TRDN: variants seen among roughly 807,000 people sequenced by gnomAD.
The protein encoded by TRDN is triadin in skeletal muscle.
A neutral mutation model predicts 149.7 loss-of-function variants in TRDN; 161 were observed. The observed-to-expected ratio is 1.08, with a 90% CI of 0.95 to 1.23. The LOEUF (loss-of-function observed/expected upper bound fraction) is 1.23. Among genes scored for constraint, TRDN ranks in the 50% most tolerant of loss-of-function variants. The pLI, the probability that TRDN is intolerant of heterozygous loss-of-function variation, is 0.00. For missense variants in TRDN, 896 were observed against 823.5 expected, an observed-to-expected ratio of 1.09 and a Z score of -1.08; for synonymous variants, 294 against 250.5, an observed-to-expected ratio of 1.17 and a Z score of -1.64.
intron 23 of TRDN, among the ~76,000 whole-genome samples, chr6:123,331,666 A>G (rs1386184653): frequency 6.6e-6 from 1 of 152,060 alleles, no homozygotes; most frequent in Non-Finnish European, 1.5e-5. Context: ...AAATTTTTGC[A>G]GTATTTCTGA....
At chr6:123,528,791 A>T (rs1583194101) in intron 5 of TRDN, 3 of 993,832 alleles carry the variant, frequency 3.0e-6, no homozygotes, top group Non-Finnish European at 3.6e-6. Context: ...TCTTTTGTTC[A>T]TATTCACACA....
At position 123,541,374 on chromosome 6, in the gene TRDN, C is replaced by T. The variant is rs531368463; in HGVS notation, c.424+5966G>A. On this transcript the variant is annotated intron_variant, in intron 4 of 40. Coordinates refer to ENST00000334268, the MANE Select transcript of TRDN (RefSeq NM_006073.4). ...ACAAAGATGAGCTCTTTTAGTAGCA[C>T]GAAGTACTACAGCTGCCTGAGTCAG... Among the ~76,000 whole-genome samples the T allele has an allele frequency of 3.3e-5, 5 of 152,240 alleles. No individual in the cohort carries two copies. In the South Asian group the frequency reaches 8.3e-4, roughly 25 times the overall value.
intron 38 of TRDN, among the ~76,000 whole-genome samples, chr6:123,231,527 A>G (rs1300864127): frequency 6.6e-6 from 1 of 152,064 alleles, no homozygotes; most frequent in Non-Finnish European, 1.5e-5. Flanking sequence ...TACAATAGGT[A>G]TAGAAAATGA....
intron 1 of TRDN, among the ~76,000 whole-genome samples, chr6:123,636,288 C>T (rs937306360): frequency 6.6e-6 from 1 of 151,874 alleles, no homozygotes; most frequent in Non-Finnish European, 1.5e-5. Context: ...TTTAAGGTCT[C>T]CATTTAAAAA....
intron 35 of TRDN, among the ~76,000 whole-genome samples, chr6:123,256,657 G>A (rs1210954211): frequency 6.6e-6 from 1 of 151,562 alleles, no homozygotes; most frequent in Non-Finnish European, 1.5e-5. Flanking sequence ...CTTTTTGATG[G>A]GGTTGTGTGT....
intron 23 of TRDN, among the ~76,000 whole-genome samples, chr6:123,320,303 T>C (rs1474073117): frequency 1.3e-5 from 2 of 151,604 alleles, no homozygotes; most frequent in Admixed American, 6.6e-5. Context: ...CTATATTTTA[T>C]TGATATAATA....
At position 123,572,042 on chromosome 6, in the gene TRDN, G is replaced by A. The variant is rs532293168; in HGVS notation, c.23-910C>T. On this transcript the variant is annotated intron_variant, in intron 1 of 40. Transcript: ENST00000334268. ...TTTATAGCTTTGAGAATACATGCAC[G>A]TATTTGAAAGTTAGTATCTTTTAAA... Among the ~76,000 whole-genome samples, 13 of 152,198 alleles carry A rather than the reference G, an allele frequency of 8.5e-5. No individual in the cohort carries two copies. The South Asian group carries it at 2.7e-3, about 31-fold the overall frequency.
chr6:123,362,297 C>A (rs1298489295), intron 20 of TRDN, among the ~76,000 whole-genome samples: 1 of 152,018 alleles, frequency 6.6e-6, no homozygotes, highest in Non-Finnish European at 1.5e-5. Flanking sequence ...TTCTAATCTG[C>A]CTATTTCAAA....
intron 1 of TRDN, among the ~76,000 whole-genome samples, chr6:123,585,972 C>T (rs917521333): frequency 3.8e-4 from 57 of 151,998 alleles, no homozygotes; most frequent in African/African-American, 1.2e-3. Context: ...TATTTAATGT[C>T]GGGAGCAGAT....
chr6:123,358,195 A>T (rs1487471740), intron 20 of TRDN, among the ~76,000 whole-genome samples: 1 of 152,186 alleles, frequency 6.6e-6, no homozygotes, highest in Non-Finnish European at 1.5e-5. Context: ...TAGAAAAAAA[A>T]ATAGATTCTT....
At chr6:123,236,850 A>T (rs1222278588) in intron 38 of TRDN, among the ~76,000 whole-genome samples, 2 of 151,432 alleles carry the variant, frequency 1.3e-5, no homozygotes, top group East Asian at 3.9e-4. Context: ...GTGTACAGTA[A>T]CATTTAAAAT....
chr6:123,236,729 T>G (rs563240302), intron 38 of TRDN, among the ~76,000 whole-genome samples: 15 of 152,312 alleles, frequency 9.8e-5, no homozygotes, highest in African/African-American at 3.6e-4. Context: ...TCGGAACTTT[T>G]ATTACAAATC....
intron 8 of TRDN, chr6:123,503,484 C>A: frequency 1.0e-6 from 1 of 985,060 alleles, no homozygotes. Flanking sequence ...CCTCCAAACC[C>A]CTTTTAAAAA....
chr6:123,528,347 C>A (rs937279315), intron 5 of TRDN, among the ~76,000 whole-genome samples: 1 of 151,184 alleles, frequency 6.6e-6, no homozygotes, highest in Middle Eastern at 3.2e-3. Flanking sequence ...GAGTTCCATG[C>A]TTCTAAAACC....
chr6:123,560,198 C>T (rs1393423660), intron 2 of TRDN, among the ~76,000 whole-genome samples: 1 of 152,164 alleles, frequency 6.6e-6, no homozygotes, highest in Non-Finnish European at 1.5e-5. Context: ...CTACAGTTCT[C>T]ATAACTTCCA....
intron 9 of TRDN, chr6:123,468,744 AC>A (rs1776982763): frequency 6.6e-6 from 1 of 151,898 alleles, no homozygotes; most frequent in South Asian, 2.1e-4. Flanking sequence ...ACTGAAGCCT[AC>A]TCCCTCTGTC....
chr6:123,474,589 A>C (rs554598944), intron 9 of TRDN, among the ~76,000 whole-genome samples: 2 of 152,156 alleles, frequency 1.3e-5, no homozygotes, highest in African/African-American at 2.4e-5. Context: ...TAGACATCTA[A>C]AGAACTCTCC....
chr6:123,319,687 T>C (rs887009007), intron 23 of TRDN, among the ~76,000 whole-genome samples: 8 of 152,088 alleles, frequency 5.3e-5, no homozygotes, highest in Non-Finnish European at 1.2e-4. Flanking sequence ...AATATCTAAT[T>C]TCTGTAAACA....
intron 8 of TRDN, chr6:123,501,864 A>C (rs1778714513): frequency 1.1e-6 from 1 of 945,118 alleles, no homozygotes; most frequent in Admixed American, 6.2e-5. Flanking sequence ...AAATCTGATT[A>C]CTGATAGAAA....
Sources: allele counts gnomAD v4.1 joint callset (sites outside exome capture counted in the v4.1 genomes callset), GRCh38; gene constraint gnomAD v4.1.1; transcripts MANE v1.5; gene names NCBI Gene and HGNC (gene_info 2026-07-23, HGNC 2026-07-21).